The following ASTN2 variants were observed in gnomAD, a reference collection of about 807,000 sequenced individuals.
The protein encoded by ASTN2 is astrotactin-2.
ASTN2 carries 54 observed loss-of-function variants against 139.8 expected under a neutral mutation model. That is an observed-to-expected ratio of 0.39 (90% CI 0.31 to 0.48). ASTN2 has a LOEUF of 0.48. Ranked by LOEUF, ASTN2 falls within the 20% of genes least tolerant of loss-of-function variation. The pLI, the probability that ASTN2 is intolerant of heterozygous loss-of-function variation, is 0.95. For missense variants in ASTN2, 1,565 were observed against 1,725.1 expected (o/e 0.91, Z 1.64); for synonymous variants, 756 against 719.5 (o/e 1.05, Z -0.81).
intron 2 of ASTN2, among the ~76,000 whole-genome samples, chr9:117,244,405 T>G (rs1833305071): frequency 6.6e-6 from 1 of 152,098 alleles, no homozygotes; most frequent in South Asian, 2.1e-4. Context: ...TGCCTTATTA[T>G]CGATTTATTT....
intron 16 of ASTN2, among the ~76,000 whole-genome samples, chr9:116,712,778 A>G (rs1423928508): frequency 3.9e-5 from 6 of 152,244 alleles, no homozygotes; most frequent in African/African-American, 1.4e-4. Flanking sequence ...CCATTGGAAG[A>G]GAAGGCTCAA....
chr9:116,489,471 G>A (rs550079551), intron 19 of ASTN2, among the ~76,000 whole-genome samples: 40 of 152,192 alleles, frequency 2.6e-4, no homozygotes, highest in Middle Eastern at 3.4e-3. Flanking sequence ...CAAATAGCTG[G>A]TACTACAGGC....
intron 4 of ASTN2, among the ~76,000 whole-genome samples, chr9:117,099,270 A>G (rs115610701): frequency 8.0e-4 from 122 of 152,322 alleles, no homozygotes; most frequent in African/African-American, 2.9e-3. Context: ...AGGAGGGTCT[A>G]TCCCTGTTAG....
chr9:117,146,458 C>T (rs1830197847), intron 3 of ASTN2, among the ~76,000 whole-genome samples: 1 of 120,764 alleles, frequency 8.3e-6, no homozygotes, highest in Admixed American at 9.4e-5. Flanking sequence ...AAGGAAAAGA[C>T]AGGATGGAAG....
chr9:116,682,168 C>A (rs1185924886), intron 16 of ASTN2, among the ~76,000 whole-genome samples: 1 of 151,958 alleles, frequency 6.6e-6, no homozygotes, highest in African/African-American at 2.4e-5. Flanking sequence ...TGAACTCAAA[C>A]AAATTTACAA....
intron 19 of ASTN2, among the ~76,000 whole-genome samples, chr9:116,573,625 T>A (rs56161802): frequency 0.21 from 24,584 of 115,296 alleles, 2,180 homozygotes; most frequent in Middle Eastern, 0.27. Flanking sequence ...AGAATCATGT[T>A]TTTTGTTTGT....
intron 7 of ASTN2, among the ~76,000 whole-genome samples, chr9:117,002,939 G>A (rs1837233545): frequency 6.6e-6 from 1 of 152,172 alleles, no homozygotes; most frequent in Non-Finnish European, 1.5e-5. Flanking sequence ...AGGGGTTCAG[G>A]AATGCCACCT....
intron 1 of ASTN2, among the ~76,000 whole-genome samples, chr9:117,330,120 T>G (rs1373418841): frequency 6.6e-6 from 1 of 152,116 alleles, no homozygotes; most frequent in Non-Finnish European, 1.5e-5. Flanking sequence ...GTTTTCTCCT[T>G]AATAAGGGAA....
intron 6 of ASTN2, among the ~76,000 whole-genome samples, chr9:117,030,062 A>G (rs894999840): frequency 2.0e-5 from 3 of 152,150 alleles, no homozygotes; most frequent in African/African-American, 4.8e-5. Context: ...AATATACCCA[A>G]GGTCACAAAA....
intron 2 of ASTN2, among the ~76,000 whole-genome samples, chr9:117,275,452 G>T (rs1834162897): frequency 6.6e-6 from 1 of 152,096 alleles, no homozygotes; most frequent in South Asian, 2.1e-4. Context: ...CAGCAGGATT[G>T]GTTTCTGGTA....
At chr9:116,938,864 C>T (rs1835150880) in intron 10 of ASTN2, among the ~76,000 whole-genome samples, 1 of 152,164 alleles carries the variant, frequency 6.6e-6, no homozygotes, top group South Asian at 2.1e-4. Flanking sequence ...TTTCCTTTGC[C>T]CTCCTTGTTT....
intron 22 of ASTN2, among the ~76,000 whole-genome samples, chr9:116,426,552 A>C (rs577245773): frequency 6.6e-6 from 1 of 152,332 alleles, no homozygotes; most frequent in South Asian, 2.1e-4. Flanking sequence ...GAGCTCAAGC[A>C]AGGCTCAGAA....
chr9:117,197,936 A>G (rs893472107), intron 3 of ASTN2, among the ~76,000 whole-genome samples: 1 of 152,148 alleles, frequency 6.6e-6, no homozygotes, highest in African/African-American at 2.4e-5. Flanking sequence ...AATTAGTTGT[A>G]AGTCTAATTT....
At position 116,698,300 on chromosome 9, in the gene ASTN2, G is replaced by C. The variant is rs117599771; in HGVS notation, c.2806+27471C>G. 2.5e-3 allele frequency: 4,080 copies of C among 1,614,180 alleles called. 9 individuals are homozygous for C. The highest frequency in any genetic ancestry group is 3.6e-3 in the Middle Eastern group (22 of 6,062). On this transcript the variant is annotated intron_variant, in intron 16 of 22. Transcript: ENST00000313400. This position sits in a 1 kb window ranked among gnomAD's most constrained non-coding sequence, Gnocchi z 4.4. ...AGGCAAGGTATAAAGCAGTTCTCCA[G>C]GAGTATGGGCATGAGGAGCGCAGGG...
At position 117,237,827 on chromosome 9, in the gene ASTN2, C is replaced by T. The variant is rs184484009; in HGVS notation, c.631-23085G>A. On this transcript the variant is annotated intron_variant, in intron 2 of 22. Coordinates refer to ENST00000313400, the MANE Select transcript of ASTN2 (RefSeq NM_001365068.1). The stretch of plus-strand genomic sequence containing the variant: ...CATGTGTGCCATGCTCACAGTGTTT[C>T]ACTTCACTCTACCTCCCAGTGGGCC... Among the ~76,000 whole-genome samples, 24 of 152,288 alleles carry T rather than the reference C, an allele frequency of 1.6e-4. 1 individual carries two copies. The highest frequency in any genetic ancestry group is 3.1e-4 in the Non-Finnish European group (21 of 68,024).
intron 1 of ASTN2, among the ~76,000 whole-genome samples, chr9:117,346,939 A>C (rs967974035): frequency 1.3e-5 from 2 of 152,172 alleles, no homozygotes; most frequent in African/African-American, 4.8e-5. Flanking sequence ...TTAATGCTTG[A>C]CACAGCATTT....
intron 5 of ASTN2, among the ~76,000 whole-genome samples, chr9:117,073,925 C>T (rs187808340): frequency 6.6e-5 from 10 of 152,254 alleles, no homozygotes; most frequent in Non-Finnish European, 2.9e-5. Context: ...AAAATGGACT[C>T]GAGTCTATGG....
chr9:117,015,921 T>C (rs1837660175), intron 6 of ASTN2, among the ~76,000 whole-genome samples: 1 of 152,152 alleles, frequency 6.6e-6, no homozygotes, highest in Non-Finnish European at 1.5e-5. Flanking sequence ...TAGTCCAGAA[T>C]CTCTCAACTT....
chr9:117,045,224 G>T (rs1301883609), intron 5 of ASTN2, among the ~76,000 whole-genome samples: 4 of 146,216 alleles, frequency 2.7e-5, no homozygotes, highest in African/African-American at 1.0e-4. Context: ...CAGAGCTGAT[G>T]TGAGGACAGA....
Sources: gnomAD v4.1 joint callset for allele counts (sites outside exome capture counted in the v4.1 genomes callset) on GRCh38, gnomAD v4.1.1 for gene constraint, Gnocchi (gnomAD v3.1) non-coding constraint, MANE v1.5 for transcripts, NCBI Gene and HGNC (gene_info 2026-07-23, HGNC 2026-07-21) for gene names.